The following SLC4A5 variants were observed in gnomAD, a reference collection of about 807,000 sequenced individuals.
SLC4A5 encodes solute carrier family 4 member 5.
A neutral mutation model predicts 120.4 loss-of-function variants in SLC4A5; 96 were observed. The ratio of observed to expected loss-of-function variants is 0.80; its 90% CI spans 0.68 to 0.94. SLC4A5 has a LOEUF of 0.94. Ranked by LOEUF, SLC4A5 falls within the 40% of genes least tolerant of loss-of-function variation. The pLI, the probability that SLC4A5 is intolerant of heterozygous loss-of-function variation, is 0.00. For synonymous variants in SLC4A5, 550 were observed against 571.1 expected (o/e 0.96, Z 0.53); for missense variants, 1,259 against 1,459.5 (o/e 0.86, Z 2.24).
Position 74,303,066 on chromosome 2 carries a change from G to T in SLC4A5, c.271+1423C>A, listed in dbSNP as rs369109070. Among the ~76,000 whole-genome samples, 115 of 149,884 alleles carry T rather than the reference G, an allele frequency of 7.7e-4. 2 individuals carry two copies. Among genetic ancestry groups the T allele is most frequent in the South Asian group, 2.6e-3 (12 of 4,676 alleles). ...TGTGTGCATGTGGAAGTGTTTTTTT[G>T]TGTGTGTGTGGTGTGTGTCTGTGTA... On this transcript the variant is annotated intron_variant, in intron 7 of 30. Transcript: ENST00000394019.
intron 30 of SLC4A5, among the ~76,000 whole-genome samples, chr2:74,220,545 C>T (rs948446653): frequency 6.6e-6 from 1 of 151,968 alleles, no homozygotes; most frequent in South Asian, 2.1e-4. Context: ...GAGATGGAGT[C>T]TTGCTCTGTT....
chr2:74,276,503 G>A (rs577097817), intron 8 of SLC4A5, among the ~76,000 whole-genome samples: 36 of 152,282 alleles, frequency 2.4e-4, no homozygotes, highest in African/African-American at 8.7e-4. Context: ...GATCTCCATG[G>A]ACAGAGATGG....
chr2:74,262,234 T>A lies in SLC4A5; in HGVS notation c.716-2A>T. ...CAGGGCTCCGGGCAGGACTGCGATC[T>A]GGGAGGAGAATCAGAAGGGACTTGG... On this transcript the variant is annotated splice_acceptor_variant, in intron 10 of 30. Transcript: ENST00000394019. LOFTEE classifies it high-confidence loss of function. 1 of 1,613,400 alleles carries A rather than the reference T, an allele frequency of 6.2e-7. No homozygotes were observed. Among genetic ancestry groups the A allele is most frequent in the Admixed American group, 1.7e-5 (1 of 59,992 alleles).
chr2:74,249,961 C>A (rs1295631629), intron 17 of SLC4A5, among the ~76,000 whole-genome samples: 2 of 152,162 alleles, frequency 1.3e-5, no homozygotes, highest in Admixed American at 1.3e-4. Context: ...AATGTCTTAA[C>A]TCCAAACTAA....
At chr2:74,289,974 T>C (rs1260742362) in intron 7 of SLC4A5, among the ~76,000 whole-genome samples, 1 of 152,230 alleles carries the variant, frequency 6.6e-6, no homozygotes, top group Non-Finnish European at 1.5e-5. Context: ...GTCAGTGACA[T>C]GGCTCAAACC....
chr2:74,293,178 AG>A (rs1298147009), intron 7 of SLC4A5, among the ~76,000 whole-genome samples: 1 of 152,200 alleles, frequency 6.6e-6, no homozygotes, highest in African/African-American at 2.4e-5. Flanking sequence ...TGTGTGAAGT[AG>A]GTCTTGGAGG....
chr2:74,248,621 A>G lies in SLC4A5; in HGVS notation c.1654-135T>C, dbSNP rs554467733. ...TCGTTCTGGGCCCTTTCCTCCCTAA[A>G]TCCTGTTCTCCATCTCCTACACCCT... On this transcript the variant is annotated intron_variant, in intron 17 of 30. Coordinates refer to ENST00000394019, the Ensembl canonical transcript of SLC4A5. The G allele has an allele frequency of 2.1e-4, 217 of 1,019,312 alleles. 1 individual carries two copies. The African/African-American group carries it at 3.1e-3, about 15-fold the overall frequency. The allele number at this position is 1,019,312 out of a possible 1,614,324, so 63.1% of individuals were successfully genotyped here. A position where few individuals can be genotyped will look rare whatever the true frequency, so the allele number is the denominator to read the frequency against.
intron 28 of SLC4A5, 128 bp downstream of exon 28, chr2:74,224,712 C>A: frequency 7.7e-7 from 1 of 1,294,590 alleles, no homozygotes; most frequent in South Asian, 1.5e-5. Flanking sequence ...GATGCCCCAG[C>A]CCATCCTGGA....
At chr2:74,282,758 T>A (rs1041451937) in intron 8 of SLC4A5, among the ~76,000 whole-genome samples, 1 of 152,220 alleles carries the variant, frequency 6.6e-6, no homozygotes, top group Non-Finnish European at 1.5e-5. Context: ...TAGGCCCTCG[T>A]GGAGGGTCTG....
intron 7 of SLC4A5, 73 bp from the exon 8 acceptor site, chr2:74,285,975 G>A (rs1671969465): frequency 6.8e-7 from 1 of 1,472,010 alleles, no homozygotes; most frequent in Non-Finnish European, 9.0e-7. Context: ...AACAGAAATG[G>A]AGTAGGAGGC....
At chr2:74,316,815 CA>C in intron 5 of SLC4A5, among the ~76,000 whole-genome samples, 1 of 152,314 alleles carries the variant, frequency 6.6e-6, no homozygotes, top group East Asian at 1.9e-4. Flanking sequence ...TTTGATTGGA[CA>C]AAAGACTGAC....
chr2:74,285,172 G>A (rs949869470), intron 8 of SLC4A5, among the ~76,000 whole-genome samples: 30 of 152,162 alleles, frequency 2.0e-4, no homozygotes, highest in African/African-American at 6.5e-4. Context: ...TTGAGCCCAG[G>A]AGTTTGAGCC....
intron 10 of SLC4A5, 61 bp from the exon 11 acceptor site, chr2:74,262,293 T>G: frequency 7.0e-7 from 1 of 1,435,910 alleles, no homozygotes; most frequent in South Asian, 1.2e-5. Flanking sequence ...CGAAGCCTCT[T>G]GGGTTAGTTC....
At chr2:74,324,460 T>G (rs1048959438) in intron 5 of SLC4A5, among the ~76,000 whole-genome samples, 7 of 152,266 alleles carry the variant, frequency 4.6e-5, no homozygotes, top group African/African-American at 1.7e-4. Flanking sequence ...ATCCCCAGAG[T>G]GCCTGATTCC....
intron 8 of SLC4A5, among the ~76,000 whole-genome samples, chr2:74,281,762 G>C (rs981142099): frequency 6.6e-6 from 1 of 152,154 alleles, no homozygotes; most frequent in East Asian, 1.9e-4. Context: ...AAAATTCCTT[G>C]CGGATTTGAG....
At chr2:74,241,752 A>C (rs1670455307) in intron 20 of SLC4A5, among the ~76,000 whole-genome samples, 1 of 151,504 alleles carries the variant, frequency 6.6e-6, no homozygotes, top group African/African-American at 2.4e-5. Flanking sequence ...AAAAAAAAAA[A>C]AAAAACGCAC....
At position 74,321,816 on chromosome 2, in the gene SLC4A5, A is replaced by C. The variant is rs147298466; in HGVS notation, c.-3+6304T>G. On this transcript the variant is annotated intron_variant, in intron 5 of 30. Coordinates refer to ENST00000394019, the Ensembl canonical transcript of SLC4A5. ...GTCACCTTCCCTAGGCTCAGGCATGAGCTGGGATCTATATAAACCATTCAC... is the reference window on the plus strand; with the variant it reads ...GTCACCTTCCCTAGGCTCAGGCATGCGCTGGGATCTATATAAACCATTCAC... Among the ~76,000 whole-genome samples the C allele has an allele frequency of 6.6e-5, 10 of 151,874 alleles. No homozygotes were observed. The East Asian group carries it at 2.0e-3, about 30-fold the overall frequency.
At chr2:74,261,699 C>T (rs1458056978) in intron 11 of SLC4A5, among the ~76,000 whole-genome samples, 1 of 152,206 alleles carries the variant, frequency 6.6e-6, no homozygotes, top group Non-Finnish European at 1.5e-5. Flanking sequence ...ACTCTGCCCA[C>T]ATTTCTTCTC....
intron 7 of SLC4A5, among the ~76,000 whole-genome samples, chr2:74,301,886 G>A (rs1033543740): frequency 2.0e-5 from 3 of 152,126 alleles, no homozygotes; most frequent in Non-Finnish European, 2.9e-5. Context: ...TCTGGAACTG[G>A]GGTCTGGAAT....
Sources: gnomAD v4.1 joint callset for allele counts (sites outside exome capture counted in the v4.1 genomes callset) on GRCh38, gnomAD v4.1.1 for gene constraint, MANE v1.5 for transcripts, NCBI Gene and HGNC (gene_info 2026-07-23, HGNC 2026-07-21) for gene names.